SHTN1: variants seen among roughly 807,000 people sequenced by gnomAD.
SHTN1 encodes shootin 1.
SHTN1 carries 42 observed loss-of-function variants against 83.1 expected under a neutral mutation model. The observed-to-expected ratio is 0.51, with a 90% CI of 0.39 to 0.65. The LOEUF (loss-of-function observed/expected upper bound fraction) is 0.65. Ranked by LOEUF, SHTN1 falls within the 30% of genes least tolerant of loss-of-function variation. The probability of loss-of-function intolerance (pLI) is 0.00; values close to 1 mark genes in which losing one functional copy is unlikely to be tolerated. For synonymous variants in SHTN1, 224 were observed against 247.7 expected, an observed-to-expected ratio of 0.90 and a Z score of 0.90; for missense variants, 622 against 737.8, an observed-to-expected ratio of 0.84 and a Z score of 1.82.
intron 3 of SHTN1, among the ~76,000 whole-genome samples, chr10:116,963,308 G>A (rs1340853188): frequency 5.3e-5 from 8 of 150,900 alleles, no homozygotes; most frequent in South Asian, 2.2e-4. Context: ...TCCTGACCTC[G>A]TGATCCGCCC....
chr10:117,073,732 G>A (rs2133605055), intron 1 of SHTN1, among the ~76,000 whole-genome samples: 1 of 152,286 alleles, frequency 6.6e-6, no homozygotes, highest in East Asian at 1.9e-4. Context: ...AGACAACTCA[G>A]TAACTCTTCT....
At chr10:117,056,929 CTGAA>C (rs1852833819) in intron 1 of SHTN1, among the ~76,000 whole-genome samples, 1 of 152,182 alleles carries the variant, frequency 6.6e-6, no homozygotes, top group African/African-American at 2.4e-5. Flanking sequence ...AGATGAAAGA[CTGAA>C]TGCTTTTGGT....
At chr10:117,030,867 T>C (rs1852405521) in intron 2 of SHTN1, among the ~76,000 whole-genome samples, 1 of 151,734 alleles carries the variant, frequency 6.6e-6, no homozygotes, top group Non-Finnish European at 1.5e-5. Flanking sequence ...ATCTAGAAAA[T>C]AGCCTCAAAA....
At position 116,944,923 on chromosome 10, in the gene SHTN1, C is replaced by G. The variant is rs940706574; in HGVS notation, c.711+1G>C. The G allele has an allele frequency of 6.3e-7, 1 of 1,583,436 alleles. No homozygotes were observed. The highest frequency in any genetic ancestry group is 8.7e-7 in the Non-Finnish European group (1 of 1,152,122). On this transcript the variant is annotated splice_donor_variant, in intron 8 of 16. Transcript: ENST00000355371. LOFTEE classifies it high-confidence loss of function. ...AAATAAGATTTTTACAAGATACCCA[C>G]CTCTTGTGCAAATGACTCTGCTTTC...
chr10:117,054,403 T>G (rs2133590958), intron 1 of SHTN1, among the ~76,000 whole-genome samples: 1 of 151,348 alleles, frequency 6.6e-6, no homozygotes, highest in East Asian at 2.0e-4. Context: ...ATAGCATCCT[T>G]ATCTTTTTTT....
At chr10:116,972,965 GA>G (rs1850670628) in intron 2 of SHTN1, among the ~76,000 whole-genome samples, 1 of 152,222 alleles carries the variant, frequency 6.6e-6, no homozygotes, top group Non-Finnish European at 1.5e-5. Flanking sequence ...CATCCAGGCA[GA>G]TACCTGGCTT....
At chr10:117,064,401 AT>A (rs1388073627) in intron 1 of SHTN1, among the ~76,000 whole-genome samples, 1 of 152,242 alleles carries the variant, frequency 6.6e-6, no homozygotes, top group Non-Finnish European at 1.5e-5. Flanking sequence ...CATGCCCGTA[AT>A]CCCGGCACTT....
At chr10:117,088,611 T>C (rs185126916) in intron 1 of SHTN1, among the ~76,000 whole-genome samples, 1 of 152,274 alleles carries the variant, frequency 6.6e-6, no homozygotes, top group Admixed American at 6.5e-5. Flanking sequence ...TCCACCCTCC[T>C]TTGTCAATTT....
At chr10:116,971,251 C>G (rs952225972) in intron 2 of SHTN1, among the ~76,000 whole-genome samples, 1 of 152,068 alleles carries the variant, frequency 6.6e-6, no homozygotes, top group African/African-American at 2.4e-5. Flanking sequence ...TAGGCTGGAC[C>G]TAACTTATTT....
At chr10:117,103,473 G>A (rs1450194898) in intron 1 of SHTN1, among the ~76,000 whole-genome samples, 1 of 150,240 alleles carries the variant, frequency 6.7e-6, no homozygotes, top group Non-Finnish European at 1.5e-5. Flanking sequence ...GCGGTTATGG[G>A]TCTTGAGAGC....
intron 9 of SHTN1, 48 bp downstream of exon 9, chr10:116,940,418 T>G: frequency 2.5e-6 from 4 of 1,575,952 alleles, no homozygotes; most frequent in Non-Finnish European, 8.7e-7. Context: ...TATGTGTGTA[T>G]GCATGTATGT....
chr10:116,929,941 T>C lies in SHTN1; in HGVS notation c.920A>G (p.Lys307Arg), dbSNP rs747731617. The change falls in exon 10 of 17, where the codon AAA becomes AGA. Residue 307 changes from lysine to arginine, a missense_variant. This residue lies in a region of SHTN1 where 383 missense variants were observed against 455.8 expected (regional missense o/e 0.84). Coordinates refer to ENST00000355371, the MANE Select transcript of SHTN1 (RefSeq NM_001127211.3). The stretch of plus-strand genomic sequence containing the variant: ...TTCCTCTAGAAGCTCCAGTTGCTGT[T>C]TGAGGTTGTGTATTTCTTTGTGGAG... The part of the protein sequence containing the change: ...ETLHKEIHNL[K>R]QQLELLEEDK... The C allele has an allele frequency of 8.7e-6, 14 of 1,609,506 alleles. No individual in the cohort carries two copies. Among genetic ancestry groups the C allele is most frequent in the Middle Eastern group, 1.6e-4 (1 of 6,064 alleles).
At chr10:117,089,520 T>C (rs1419891580) in intron 1 of SHTN1, among the ~76,000 whole-genome samples, 2 of 152,150 alleles carry the variant, frequency 1.3e-5, no homozygotes, top group African/African-American at 4.8e-5. Flanking sequence ...AAAAGCTTCA[T>C]GACGCTGGAT....
intron 1 of SHTN1, among the ~76,000 whole-genome samples, chr10:116,987,388 C>T (rs564770632): frequency 1.2e-4 from 19 of 152,210 alleles, no homozygotes; most frequent in African/African-American, 4.6e-4. Context: ...ACAAACAAGA[C>T]GTTCTTCAAT....
At chr10:117,064,138 T>C (rs1006178061) in intron 1 of SHTN1, among the ~76,000 whole-genome samples, 1 of 152,180 alleles carries the variant, frequency 6.6e-6, no homozygotes, top group South Asian at 2.1e-4. Context: ...TATATTCTTA[T>C]TCAATTTTCA....
chr10:116,951,284 G>T (rs187569895), intron 6 of SHTN1, among the ~76,000 whole-genome samples: 4 of 152,138 alleles, frequency 2.6e-5, no homozygotes, highest in Non-Finnish European at 4.4e-5. Flanking sequence ...TCAGGCAGGC[G>T]TGGTGACGCA....
chr10:116,995,755 G>A (rs1851603785), intron 1 of SHTN1, among the ~76,000 whole-genome samples: 1 of 152,056 alleles, frequency 6.6e-6, no homozygotes, highest in Admixed American at 6.6e-5. Flanking sequence ...GGTCCCTAGA[G>A]GAACCTCAGT....
chr10:116,910,798 A>G (rs1175281155), intron 14 of SHTN1, among the ~76,000 whole-genome samples: 1 of 152,210 alleles, frequency 6.6e-6, no homozygotes, highest in Non-Finnish European at 1.5e-5. Flanking sequence ...TGCTTTTTCA[A>G]TGGCTTTAAT....
At chr10:117,040,933 T>A (rs1205511231) in intron 2 of SHTN1, among the ~76,000 whole-genome samples, 1 of 151,506 alleles carries the variant, frequency 6.6e-6, no homozygotes, top group Non-Finnish European at 1.5e-5. Flanking sequence ...TTATTATATT[T>A]TATTTTATTT....
Sources: gnomAD v4.1 joint callset for allele counts (sites outside exome capture counted in the v4.1 genomes callset) on GRCh38, gnomAD v4.1.1 for gene constraint, gnomAD v4.1.1 regional missense constraint, MANE v1.5 for transcripts, NCBI Gene and HGNC (gene_info 2026-07-23, HGNC 2026-07-21) for gene names.